Variants in ENTHD1 observed in about 807,000 individuals in gnomAD.
ENTHD1 encodes the protein ENTH domain-containing protein 1.
In ENTHD1, 23 loss-of-function variants were observed where a neutral mutation model predicts 39.1. That is an observed-to-expected ratio of 0.59 (90% confidence interval 0.42 to 0.83). The LOEUF (loss-of-function observed/expected upper bound fraction) is 0.83, where lower values mean the gene tolerates loss of function less well. ENTHD1 is among the 40% of genes least tolerant of loss of function. ENTHD1 has a pLI of 0.00. For synonymous variants in ENTHD1, 230 were observed against 258.2 expected (o/e 0.89, Z 1.05); for missense variants, 624 against 705.4 (o/e 0.88, Z 1.31).
chr22:39,784,111 G>A (rs1315137477), intron 5 of ENTHD1, among the ~76,000 whole-genome samples: 1 of 151,952 alleles, frequency 6.6e-6, no homozygotes, highest in African/African-American at 2.4e-5. Context: ...CTCAAAAGAA[G>A]ACAGACACAT....
intron 2 of ENTHD1, among the ~76,000 whole-genome samples, chr22:39,881,844 C>T (rs896257026): frequency 6.6e-6 from 1 of 152,132 alleles, no homozygotes; most frequent in Admixed American, 6.5e-5. Flanking sequence ...GTGGAAGAGC[C>T]ATGCAGGTTT....
Position 39,765,439 on chromosome 22 carries a change from A to G in ENTHD1, c.1003T>C (p.Cys335Arg). ...GLKTLTILPA[C>R]WSSKEEFISP... ...ATAAACTCCTCTTTACTTGACCAAC[A>G]TGCTGGTAAAATTGTCAATGTTTTA... is the stretch of plus-strand genomic sequence containing the variant. The change falls in exon 6 of 7, where the codon TGT becomes CGT. Residue 335 changes from cysteine (C) to arginine (R), a missense_variant. Transcript: ENST00000325157. The G allele has an allele frequency of 6.2e-7, 1 of 1,614,010 alleles. No homozygotes were observed. The highest frequency in any genetic ancestry group is 8.5e-7 in the Non-Finnish European group (1 of 1,179,992).
At chr22:39,770,710 T>C (rs1298153669) in intron 5 of ENTHD1, among the ~76,000 whole-genome samples, 2 of 152,202 alleles carry the variant, frequency 1.3e-5, no homozygotes, top group Admixed American at 1.3e-4. Context: ...CATGAATATA[T>C]TTGCTCAGCA....
At chr22:39,746,540 T>A (rs895921513) in intron 6 of ENTHD1, among the ~76,000 whole-genome samples, 1 of 152,216 alleles carries the variant, frequency 6.6e-6, no homozygotes, top group Non-Finnish European at 1.5e-5. Context: ...TATGTTTAAG[T>A]GTGGAGGATT....
intron 6 of ENTHD1, among the ~76,000 whole-genome samples, chr22:39,757,014 C>CAAA (rs36089325): frequency 1.5e-5 from 2 of 129,442 alleles, no homozygotes; most frequent in African/African-American, 5.5e-5. Flanking sequence ...CAATTTCTAC[C>CAAA]AAAAAAAAAA....
chr22:39,879,214 G>C (rs1384144919), intron 2 of ENTHD1, among the ~76,000 whole-genome samples: 1 of 151,990 alleles, frequency 6.6e-6, no homozygotes, highest in Non-Finnish European at 1.5e-5. Context: ...TGTAATCCCA[G>C]CACTTTGGGA....
chr22:39,748,716 C>G (rs978252999), intron 6 of ENTHD1, among the ~76,000 whole-genome samples: 1 of 152,106 alleles, frequency 6.6e-6, no homozygotes, highest in Non-Finnish European at 1.5e-5. Flanking sequence ...AGCCACTGAG[C>G]CTGGCCCCCA....
intron 5 of ENTHD1, among the ~76,000 whole-genome samples, chr22:39,810,574 TA>T (rs2065677481): frequency 1.3e-5 from 2 of 152,164 alleles, no homozygotes; most frequent in African/African-American, 4.8e-5. Flanking sequence ...TTACAGAAAT[TA>T]ATGCCACCAT....
chr22:39,875,678 A>G, intron 2 of ENTHD1: 1 of 1,612,334 alleles, frequency 6.2e-7, no homozygotes, highest in Non-Finnish European at 8.5e-7. Flanking sequence ...ATATGCTGCC[A>G]AGAATGCCGT....
intron 3 of ENTHD1, among the ~76,000 whole-genome samples, chr22:39,857,430 T>C (rs2066101305): frequency 9.7e-6 from 1 of 103,136 alleles, no homozygotes; most frequent in Non-Finnish European, 1.8e-5. Flanking sequence ...ACAGCAAGAG[T>C]GAAACTCCGT....
chr22:39,873,200 G>A (rs1043971977), intron 2 of ENTHD1, among the ~76,000 whole-genome samples: 5 of 151,838 alleles, frequency 3.3e-5, no homozygotes, highest in Non-Finnish European at 5.9e-5. Flanking sequence ...AAATGTATGT[G>A]TGTATGTGTA....
Position 39,792,229 on chromosome 22 carries a change from T to G in ENTHD1, c.833-26620A>C, listed in dbSNP as rs984972647. On this transcript the variant is annotated intron_variant, in intron 5 of 6. Coordinates refer to ENST00000325157, the MANE Select transcript of ENTHD1 (RefSeq NM_152512.4). ...ACATGTGTCTTTATGGCAGGATGAT[T>G]TATATTCCTTTGGGTATATATCCAG... Among the ~76,000 whole-genome samples the G allele has an allele frequency of 5.5e-4, 83 of 152,172 alleles. 1 individual carries two copies. The highest frequency in any genetic ancestry group is 2.6e-4 in the Non-Finnish European group (18 of 68,024).
chr22:39,819,398 C>T (rs963372096), intron 5 of ENTHD1, among the ~76,000 whole-genome samples: 1 of 125,814 alleles, frequency 7.9e-6, no homozygotes, highest in Non-Finnish European at 1.7e-5. Flanking sequence ...AGAAAAGAAA[C>T]AAAGAAAAAA....
intron 2 of ENTHD1, chr22:39,876,206 T>C: frequency 1.5e-6 from 2 of 1,330,824 alleles, no homozygotes; most frequent in Non-Finnish European, 2.0e-6. Flanking sequence ...TGAAGTTGAT[T>C]TGAAATATGT....
chr22:39,845,284 A>G (rs924966554), intron 3 of ENTHD1, among the ~76,000 whole-genome samples: 6 of 152,226 alleles, frequency 3.9e-5, no homozygotes, highest in Non-Finnish European at 5.9e-5. Flanking sequence ...GTGAAATTAC[A>G]GCACAAGGGC....
Position 39,892,109 on chromosome 22 carries a change from T to C in ENTHD1, c.-156+1586A>G, listed in dbSNP as rs543308043. ...ATATTTCTTGAGTACCTACCATTTG[T>C]ATAGCTTTGTGGAGAAATATAAAAC... On this transcript the variant is annotated intron_variant, in intron 1 of 6. Transcript: ENST00000325157. 1.2e-4 allele frequency among the ~76,000 whole-genome samples: 19 copies of C among 152,356 alleles called. No individual in the cohort carries two copies. The South Asian group carries it at 2.7e-3, about 22-fold the overall frequency.
At chr22:39,783,363 A>G (rs2065427207) in intron 5 of ENTHD1, among the ~76,000 whole-genome samples, 1 of 152,204 alleles carries the variant, frequency 6.6e-6, no homozygotes, top group African/African-American at 2.4e-5. Context: ...CCCTATCAAA[A>G]TATCAATGAC....
At chr22:39,786,412 G>A (rs183256275) in intron 5 of ENTHD1, among the ~76,000 whole-genome samples, 1 of 152,052 alleles carries the variant, frequency 6.6e-6, no homozygotes, top group South Asian at 2.1e-4. Flanking sequence ...CAATTTTCAA[G>A]TATTACAATA....
chr22:39,781,218 C>T (rs951831298), intron 5 of ENTHD1, among the ~76,000 whole-genome samples: 3 of 152,162 alleles, frequency 2.0e-5, no homozygotes, highest in Non-Finnish European at 1.5e-5. Context: ...CTCTTTTCTT[C>T]AGCACAAGGG....
Sources: allele counts gnomAD v4.1 joint callset (sites outside exome capture counted in the v4.1 genomes callset), GRCh38; gene constraint gnomAD v4.1.1; transcripts MANE v1.5; gene names NCBI Gene and HGNC (gene_info 2026-07-23, HGNC 2026-07-21).